LUZP2: variants seen among roughly 807,000 people sequenced by gnomAD.
LUZP2 encodes the protein leucine zipper protein 2.
Under a neutral mutation model 51.6 loss-of-function variants are expected in LUZP2, and 52 were observed. That is an observed-to-expected ratio of 1.01 (90% confidence interval 0.81 to 1.27). The LOEUF is 1.27. LUZP2 is among the 50% of genes most tolerant of loss of function. The pLI, the probability that LUZP2 is intolerant of heterozygous loss-of-function variation, is 0.00. For synonymous variants in LUZP2, 154 were observed against 137.3 expected, an observed-to-expected ratio of 1.12 and a Z score of -0.85; for missense variants, 436 against 395.4, an observed-to-expected ratio of 1.10 and a Z score of -0.87.
intron 1 of LUZP2, among the ~76,000 whole-genome samples, chr11:24,594,722 T>C (rs1853373746): frequency 6.6e-6 from 1 of 150,608 alleles, no homozygotes; most frequent in Non-Finnish European, 1.5e-5. Flanking sequence ...ACATAGAAAA[T>C]TGGCATTCAA....
intron 1 of LUZP2, among the ~76,000 whole-genome samples, chr11:24,508,198 A>G (rs59946308): frequency 0.1 from 15,385 of 151,998 alleles, 1,177 homozygotes; most frequent in African/African-American, 0.21. Context: ...ACTAGAACAT[A>G]CATTCTTAAT....
intron 9 of LUZP2, among the ~76,000 whole-genome samples, chr11:24,993,648 T>C (rs939006236): frequency 1.3e-5 from 2 of 152,132 alleles, no homozygotes; most frequent in African/African-American, 4.8e-5. Context: ...GATATCTATT[T>C]TGCCTAATTT....
At chr11:24,918,944 A>G (rs1054706006) in intron 7 of LUZP2, among the ~76,000 whole-genome samples, 2 of 115,916 alleles carry the variant, frequency 1.7e-5, no homozygotes, top group African/African-American at 5.5e-5. Flanking sequence ...TATATATACT[A>G]TATATCCATA....
intron 9 of LUZP2, among the ~76,000 whole-genome samples, chr11:25,005,473 G>A (rs1400642255): frequency 6.6e-6 from 1 of 152,058 alleles, no homozygotes; most frequent in Non-Finnish European, 1.5e-5. Context: ...GAATATTGGG[G>A]CCAGGCCATG....
At chr11:24,784,661 A>G (rs1849187919) in intron 5 of LUZP2, among the ~76,000 whole-genome samples, 1 of 152,010 alleles carries the variant, frequency 6.6e-6, no homozygotes, top group African/African-American at 2.4e-5. Flanking sequence ...ATGTTCACTC[A>G]AAGAGTGAGT....
intron 9 of LUZP2, among the ~76,000 whole-genome samples, chr11:25,027,431 C>T (rs1857523981): frequency 6.6e-6 from 1 of 151,862 alleles, no homozygotes; most frequent in African/African-American, 2.4e-5. Context: ...TTAGAAGCAC[C>T]CATAAACTTC....
intron 1 of LUZP2, among the ~76,000 whole-genome samples, chr11:24,658,475 G>T (rs577982294): frequency 6.6e-6 from 1 of 152,078 alleles, no homozygotes; most frequent in African/African-American, 2.4e-5. Flanking sequence ...AAAAACCCTA[G>T]AAGAAAACCT....
intron 9 of LUZP2, among the ~76,000 whole-genome samples, chr11:24,998,450 T>C (rs1448649346): frequency 6.6e-6 from 1 of 152,218 alleles, no homozygotes; most frequent in Non-Finnish European, 1.5e-5. Flanking sequence ...AGAATGCTTG[T>C]GATTTTTGTA....
chr11:24,565,743 A>G (rs1266801536), intron 1 of LUZP2, among the ~76,000 whole-genome samples: 1 of 152,162 alleles, frequency 6.6e-6, no homozygotes, highest in African/African-American at 2.4e-5. Flanking sequence ...CAACAGCAAG[A>G]TAATACTAAA....
chr11:25,031,455 T>C (rs1246378057), intron 9 of LUZP2, among the ~76,000 whole-genome samples: 1 of 152,214 alleles, frequency 6.6e-6, no homozygotes, highest in Non-Finnish European at 1.5e-5. Context: ...TTTATGTCTT[T>C]TAAACTTCAG....
At chr11:24,745,783 T>A (rs1427002378) in intron 4 of LUZP2, among the ~76,000 whole-genome samples, 1 of 152,134 alleles carries the variant, frequency 6.6e-6, no homozygotes. Flanking sequence ...GTTCAAGCGA[T>A]TTTCCTATCT....
At chr11:24,940,941 T>G (rs1000014893) in intron 7 of LUZP2, among the ~76,000 whole-genome samples, 1 of 152,160 alleles carries the variant, frequency 6.6e-6, no homozygotes, top group Non-Finnish European at 1.5e-5. Flanking sequence ...CTCTTTCACT[T>G]TTGTTTTGTT....
rs1486670 is a variant in LUZP2 at position 24,857,067 on chromosome 11, T to C, written c.397-48924T>C. 4.3e-3 allele frequency among the ~76,000 whole-genome samples: 653 copies of C among 152,096 alleles called. 4 individuals carry two copies. Among genetic ancestry groups the C allele is most frequent in the African/African-American group, 0.015 (625 of 41,550 alleles). On this transcript the variant is annotated intron_variant, in intron 5 of 11. Coordinates refer to ENST00000336930, the MANE Select transcript of LUZP2 (RefSeq NM_001009909.4). ...ATATATCCACATAACAAACTGCCCT[T>C]GTACCTCTTATGTTTATACGAATAA...
At chr11:24,501,228 A>C (rs1352722499) in intron 1 of LUZP2, among the ~76,000 whole-genome samples, 2 of 152,244 alleles carry the variant, frequency 1.3e-5, no homozygotes. Flanking sequence ...AAATATTTTG[A>C]CTTCTTACAT....
chr11:24,938,764 G>T (rs1285263917), intron 7 of LUZP2, among the ~76,000 whole-genome samples: 3 of 152,148 alleles, frequency 2.0e-5, no homozygotes, highest in Non-Finnish European at 4.4e-5. Context: ...CAGGAGTACG[G>T]TAGCAATCAA....
At chr11:24,643,916 A>G (rs180737920) in intron 1 of LUZP2, among the ~76,000 whole-genome samples, 1 of 152,296 alleles carries the variant, frequency 6.6e-6, no homozygotes, top group Admixed American at 6.5e-5. Context: ...TTCTTCCTTT[A>G]TTCGTAATGT....
At chr11:24,759,637 A>G (rs1357468287) in intron 4 of LUZP2, among the ~76,000 whole-genome samples, 1 of 152,162 alleles carries the variant, frequency 6.6e-6, no homozygotes, top group Non-Finnish European at 1.5e-5. Context: ...CAGGTTATTA[A>G]TATAAGTAAT....
At chr11:24,541,426 T>TCA (rs1340200703) in intron 1 of LUZP2, among the ~76,000 whole-genome samples, 1 of 152,114 alleles carries the variant, frequency 6.6e-6, no homozygotes, top group African/African-American at 2.4e-5. Context: ...TTGGTGACTG[T>TCA]TGGCATCCTA....
chr11:24,972,870 AT>A (rs1188676464), intron 7 of LUZP2, among the ~76,000 whole-genome samples: 11 of 151,742 alleles, frequency 7.2e-5, no homozygotes, highest in African/African-American at 2.7e-4. Context: ...CATCAGGGAT[AT>A]TTGTCTGAAG....
Sources: gnomAD v4.1 joint callset for allele counts (sites outside exome capture counted in the v4.1 genomes callset) on GRCh38, gnomAD v4.1.1 for gene constraint, MANE v1.5 for transcripts, NCBI Gene and HGNC (gene_info 2026-07-23, HGNC 2026-07-21) for gene names.